Variants in GLIS3 observed in about 807,000 individuals in gnomAD.
The protein encoded by GLIS3 is zinc finger protein GLIS3.
A neutral mutation model predicts 78.6 loss-of-function variants in GLIS3; 53 were observed. The ratio of observed to expected loss-of-function variants is 0.67; its 90% CI spans 0.54 to 0.85. The LOEUF (loss-of-function observed/expected upper bound fraction) is 0.85. GLIS3 is among the 40% of genes least tolerant of loss of function. The pLI is 0.00. For missense variants in GLIS3, 1,703 were observed against 1,231.1 expected (o/e 1.38, Z -5.74); for synonymous variants, 684 against 509.9 (o/e 1.34, Z -4.60).
chr9:4,460,802 T>C, the GLIS3 span, among the ~76,000 whole-genome samples: 1 of 152,214 alleles, frequency 6.6e-6, no homozygotes, highest in Non-Finnish European at 1.5e-5. Flanking sequence ...TTTCTAGTTC[T>C]GACAAAGTAT....
At chr9:4,399,504 G>A in the GLIS3 span, among the ~76,000 whole-genome samples, 2 of 152,196 alleles carry the variant, frequency 1.3e-5, no homozygotes, top group Non-Finnish European at 1.5e-5. Flanking sequence ...CTGGCCAGGA[G>A]GCAGAGGCAA....
At chr9:4,208,961 ACTT>A (rs1820124399) in intron 2 of GLIS3, among the ~76,000 whole-genome samples, 1 of 152,204 alleles carries the variant, frequency 6.6e-6, no homozygotes, top group African/African-American at 2.4e-5. Flanking sequence ...CTGATGGTGC[ACTT>A]CTTCATAAAG....
chr9:4,140,614 A>T (rs1285999170), intron 2 of GLIS3, among the ~76,000 whole-genome samples: 1 of 152,150 alleles, frequency 6.6e-6, no homozygotes, highest in Non-Finnish European at 1.5e-5. Context: ...AGAGCTGCTC[A>T]ACTATCTCAT....
chr9:4,382,442 T>C, the GLIS3 span, among the ~76,000 whole-genome samples: 1 of 152,216 alleles, frequency 6.6e-6, no homozygotes, highest in Non-Finnish European at 1.5e-5. Context: ...CTCTGCTTTT[T>C]CACACAAATC....
chr9:3,853,315 G>A (rs1819550118), intron 9 of GLIS3, among the ~76,000 whole-genome samples: 1 of 152,134 alleles, frequency 6.6e-6, no homozygotes, highest in Non-Finnish European at 1.5e-5. Context: ...AGAGTATTTT[G>A]CCAAGAGGTA....
chr9:4,125,201 T>G (rs970380129), intron 3 of GLIS3, among the ~76,000 whole-genome samples: 2 of 152,230 alleles, frequency 1.3e-5, no homozygotes, highest in Admixed American at 6.5e-5. Flanking sequence ...TTATGCTTTC[T>G]ATCTTTACTC....
chr9:4,165,551 G>A (rs543706503), intron 2 of GLIS3, among the ~76,000 whole-genome samples: 23 of 152,208 alleles, frequency 1.5e-4, no homozygotes, highest in Non-Finnish European at 3.1e-4. Flanking sequence ...CTACTATCCA[G>A]ACCCATACAG....
intron 2 of GLIS3, among the ~76,000 whole-genome samples, chr9:4,173,744 G>A (rs767756821): frequency 1.1e-4 from 16 of 152,214 alleles, no homozygotes; most frequent in Non-Finnish European, 2.4e-4. Flanking sequence ...CTACAGGCAT[G>A]TGCCACCATG....
the GLIS3 span, among the ~76,000 whole-genome samples, chr9:4,480,138 G>A: frequency 6.6e-6 from 1 of 151,176 alleles, no homozygotes; most frequent in African/African-American, 2.4e-5. Context: ...GTTATAGGTG[G>A]AGACGTGTCT....
intron 6 of GLIS3, among the ~76,000 whole-genome samples, chr9:3,911,220 G>A (rs541835587): frequency 1.3e-5 from 2 of 152,136 alleles, no homozygotes; most frequent in Non-Finnish European, 2.9e-5. Context: ...TAGTACATAA[G>A]ACAATTGAAG....
At chr9:4,297,441 C>T (rs755397813) in intron 1 of GLIS3, among the ~76,000 whole-genome samples, 3 of 152,170 alleles carry the variant, frequency 2.0e-5, no homozygotes, top group Admixed American at 1.3e-4. Context: ...CTCGAGATTC[C>T]CGGCCCCATA....
At chr9:4,203,693 T>A (rs552993979) in intron 2 of GLIS3, among the ~76,000 whole-genome samples, 8 of 152,130 alleles carry the variant, frequency 5.3e-5, no homozygotes, top group African/African-American at 1.4e-4. Context: ...AGCAAAGACA[T>A]GGAATGAACC....
At chr9:4,066,744 G>C (rs1827132484) in intron 4 of GLIS3, among the ~76,000 whole-genome samples, 1 of 152,244 alleles carries the variant, frequency 6.6e-6, no homozygotes, top group African/African-American at 2.4e-5. Context: ...GGAAGCTAGA[G>C]AGACACTGCA....
At chr9:3,900,188 A>G (rs1255817884) in intron 6 of GLIS3, among the ~76,000 whole-genome samples, 1 of 94,916 alleles carries the variant, frequency 1.1e-5, no homozygotes, top group African/African-American at 3.4e-5. Flanking sequence ...GAAACTGTTA[A>G]AAAAAAAAAA....
upstream of GLIS3, among the ~76,000 whole-genome samples, chr9:4,350,722 G>T (rs551266615): frequency 2.6e-5 from 4 of 152,226 alleles, no homozygotes; most frequent in South Asian, 8.3e-4. Context: ...GGAAGAGTTG[G>T]GATTGATGTG....
chr9:4,250,046 T>C (rs1587144221), intron 2 of GLIS3, among the ~76,000 whole-genome samples: 1 of 152,246 alleles, frequency 6.6e-6, no homozygotes, highest in South Asian at 2.1e-4. Flanking sequence ...GATCTTTGCA[T>C]TGATGTTCAT....
chr9:4,029,660 A>C (rs929051616), intron 4 of GLIS3, among the ~76,000 whole-genome samples: 1 of 150,308 alleles, frequency 6.7e-6, no homozygotes, highest in Non-Finnish European at 1.5e-5. Context: ...CCATGGGCTC[A>C]ATTGTATTGA....
At position 4,221,616 on chromosome 9, in the gene GLIS3, G is replaced by A. The variant is rs907975496; in HGVS notation, c.388+64422C>T. Among the ~76,000 whole-genome samples the A allele has an allele frequency of 5.3e-5, 8 of 152,074 alleles. No homozygotes were observed. The East Asian group carries it at 1.5e-3, about 29-fold the overall frequency. On this transcript the variant is annotated intron_variant, in intron 2 of 10. Transcript: ENST00000381971. ...AGTCCCCCCTTTAATATCAAAGAAT[G>A]TCTGAATAAAGAACTACCAGTGTAT...
chr9:4,086,106 C>A (rs569556070), intron 4 of GLIS3, among the ~76,000 whole-genome samples: 1 of 152,330 alleles, frequency 6.6e-6, no homozygotes, highest in African/African-American at 2.4e-5. Flanking sequence ...CAATGTCTCT[C>A]ACAATTTGAC....
Sources: gnomAD v4.1 joint callset for allele counts (sites outside exome capture counted in the v4.1 genomes callset) on GRCh38, gnomAD v4.1.1 for gene constraint, MANE v1.5 for transcripts, NCBI Gene and HGNC (gene_info 2026-07-23, HGNC 2026-07-21) for gene names.